The following DNHD1 variants were observed in gnomAD, a reference collection of about 807,000 sequenced individuals.
DNHD1 encodes dynein heavy chain domain 1, also known as dynein heavy chain domain-containing protein 1.
Under a neutral mutation model 458.1 loss-of-function variants are expected in DNHD1, and 383 were observed. The ratio of observed to expected loss-of-function variants is 0.84; its 90% CI spans 0.77 to 0.91. The LOEUF (loss-of-function observed/expected upper bound fraction) is 0.91, where lower values mean the gene tolerates loss of function less well. Ranked by LOEUF, DNHD1 falls within the 40% of genes least tolerant of loss-of-function variation. The pLI is 0.00. For missense variants in DNHD1, 5,336 were observed against 5,866.1 expected (o/e 0.91, Z 2.95); for synonymous variants, 2,203 against 2,376.9 (o/e 0.93, Z 2.13).
intron 33 of DNHD1, 30 bp from the exon 34 acceptor site, chr11:6,566,211 G>A: frequency 6.5e-7 from 1 of 1,548,040 alleles, no homozygotes; most frequent in Non-Finnish European, 8.7e-7. Context: ...CTGGCATTGT[G>A]GGTAGGGTGC....
chr11:6,532,727 G>C (rs770165140), intron 12 of DNHD1, among the ~76,000 whole-genome samples: 5 of 152,098 alleles, frequency 3.3e-5, no homozygotes, highest in Non-Finnish European at 7.3e-5. Context: ...GGCACTCACA[G>C]TGGATTTATC....
Position 6,528,438 on chromosome 11 carries a change from C to CGTGTGTGTGTGT in DNHD1, c.1838-84_1838-83insGTGTGTGTGTGT, listed in dbSNP as rs1565003444. On this transcript the variant is annotated intron_variant, in intron 10 of 42. Transcript: ENST00000254579. ...GTGTGTGTGTGTGTGTGTGTGTGTACACACACTGAGGGCAAGGAGAAAGGA... is the reference window on the plus strand; with the variant it reads ...GTGTGTGTGTGTGTGTGTGTGTGTACGTGTGTGTGTGTACACACTGAGGGCAAGGAGAAAGGA... 14 of 987,280 alleles carry CGTGTGTGTGTGT rather than the reference C, an allele frequency of 1.4e-5. No homozygotes were observed. The African/African-American group carries it at 2.6e-4, about 19-fold the overall frequency. The allele number at this position is 987,280 out of a possible 1,614,324, so 61.2% of individuals were successfully genotyped here.
chr11:6,567,559 T>C lies in DNHD1; in HGVS notation c.12050T>C (p.Leu4017Pro), dbSNP rs779283210. Residue 4017 changes from leucine (L) to proline (P), a missense_variant, in exon 36 of 43, where the codon CTG (leucine) becomes CCG (proline). This residue lies in a region of DNHD1 where 695 missense variants were observed against 804.2 expected (regional missense o/e 0.86). Transcript: ENST00000254579. ...CACTCCAGTGCTTGGCAGGCTTACC[T>C]GTCACTGTCATCCACAGTGCTGGGT... ...AGHSSAWQAY[L>P]SLSSTVLGPA... 3.1e-6 allele frequency: 5 copies of C among 1,613,056 alleles called. No homozygotes were observed. Among genetic ancestry groups the C allele is most frequent in the Non-Finnish European group, 4.2e-6 (5 of 1,179,488 alleles).
At chr11:6,555,949 G>A (rs887904877) in intron 24 of DNHD1, among the ~76,000 whole-genome samples, 1 of 151,946 alleles carries the variant, frequency 6.6e-6, no homozygotes, top group Non-Finnish European at 1.5e-5. Flanking sequence ...TTTGTTGTAT[G>A]TAAATCATGT....
At chr11:6,543,068 A>C (rs1589883630) in intron 18 of DNHD1, among the ~76,000 whole-genome samples, 3 of 152,188 alleles carry the variant, frequency 2.0e-5, no homozygotes, top group South Asian at 4.1e-4. Context: ...GCCTCCTCAC[A>C]TGGGGAAGAG....
intron 10 of DNHD1, chr11:6,520,937 CAT>C: frequency 1.1e-6 from 1 of 926,322 alleles, no homozygotes; most frequent in Non-Finnish European, 1.3e-6. Flanking sequence ...GATTTAAAGA[CAT>C]AACGTTAATT....
intron 7 of DNHD1, among the ~76,000 whole-genome samples, chr11:6,517,158 G>A (rs1589870746): frequency 6.6e-6 from 1 of 152,180 alleles, no homozygotes. Flanking sequence ...AAATAAAATT[G>A]ACAAATAAAA....
intron 16 of DNHD1, 74 bp downstream of exon 16, chr11:6,538,884 C>T: frequency 7.6e-7 from 1 of 1,314,890 alleles, no homozygotes; most frequent in South Asian, 1.6e-5. Context: ...ACTCAGTTTC[C>T]TGCTGCTCCT....
intron 18 of DNHD1, 123 bp downstream of exon 18, chr11:6,540,206 T>A: frequency 1.2e-6 from 1 of 803,276 alleles, no homozygotes; most frequent in Non-Finnish European, 2.0e-6. Context: ...CTAGACAGCC[T>A]AAGACATTAG....
Position 6,528,654 on chromosome 11 carries a change from C to G in DNHD1, c.1970C>G (p.Ala657Gly). ...LVWPWKSHPI[A>G]GILEVRGCRL... ...TGGCCCTGGAAGTCTCACCCAATTG[C>G]TGGTATCTTGGAGGTCCGTGGATGT... The change falls in exon 11 of 43, where the codon GCT becomes GGT. Residue 657 changes from alanine to glycine, a missense_variant. Ala to Gly is a moderately conservative substitution (Grantham distance 60). Transcript: ENST00000254579. The G allele has an allele frequency of 6.4e-7, 1 of 1,551,738 alleles. No homozygotes were observed. Among genetic ancestry groups the G allele is most frequent in the South Asian group, 1.2e-5 (1 of 84,064 alleles).
Position 6,567,130 on chromosome 11 carries a change from T to G in DNHD1, c.11621T>G (p.Phe3874Cys). Residue 3874 changes from phenylalanine (F) to cysteine (C), a missense_variant, in exon 36 of 43, where the codon TTC (phenylalanine) becomes TGC (cysteine). By Grantham distance (205) the Phe-to-Cys change is radical. This residue lies in a region of DNHD1 where 695 missense variants were observed against 804.2 expected (regional missense o/e 0.86). Transcript: ENST00000254579. ...LSQLQNLLPLFCMSPENWLAV... is the reference protein window; with the variant it reads ...LSQLQNLLPLCCMSPENWLAV... ...CAACTGCAGAACCTGCTGCCACTTT[T>G]CTGTATGAGCCCAGAGAACTGGCTG... The G allele has an allele frequency of 6.2e-7, 1 of 1,614,052 alleles. No individual in the cohort carries two copies. Among genetic ancestry groups the G allele is most frequent in the South Asian group, 1.1e-5 (1 of 91,082 alleles).
intron 6 of DNHD1, 107 bp downstream of exon 6, chr11:6,509,379 A>G (rs1008514940): frequency 1.6e-5 from 16 of 994,654 alleles, no homozygotes; most frequent in Middle Eastern, 2.9e-4. Context: ...AAGCACTAAG[A>G]AAAAACCTTT....
chr11:6,569,334 T>G (rs976345345), intron 39 of DNHD1, among the ~76,000 whole-genome samples: 1 of 152,042 alleles, frequency 6.6e-6, no homozygotes, highest in Non-Finnish European at 1.5e-5. Context: ...ATACAAAAAC[T>G]TAGCCAGGCA....
Position 6,556,767 on chromosome 11 carries a change from T to C in DNHD1, c.7472T>C (p.Leu2491Pro). 6.4e-7 allele frequency: 1 copy of C among 1,551,632 alleles called. No individual in the cohort carries two copies. The highest frequency in any genetic ancestry group is 8.7e-7 in the Non-Finnish European group (1 of 1,146,920). The change falls in exon 25 of 43, where the codon CTG becomes CCG. Residue 2491 changes from leucine to proline, a missense_variant. Transcript: ENST00000254579. ...GTGTATGCCCACAGCACCTTGGAACTGCAGACGCTGCAGCCTACAGTCAAC... is the reference window on the plus strand; with the variant it reads ...GTGTATGCCCACAGCACCTTGGAACCGCAGACGCTGCAGCCTACAGTCAAC... ...GTVYAHSTLE[L>P]QTLQPTVNFL...
At chr11:6,528,436 T>TGTGTGG in intron 10 of DNHD1, 86 bp from the exon 11 acceptor site, 1 of 1,160,186 alleles carries the variant, frequency 8.6e-7, no homozygotes, top group Non-Finnish European at 1.2e-6. Flanking sequence ...TGTGTGTGTG[T>TGTGTGG]ACACACACTG....
chr11:6,508,342 T>A (rs1220282507), intron 4 of DNHD1: 1 of 153,438 alleles, frequency 6.5e-6, no homozygotes, highest in East Asian at 1.9e-4. Flanking sequence ...TTTATTTGCC[T>A]GTTTCGAATT....
In DNHD1 at chr11:6,566,339, C is replaced by T. The variant is rs752774962; in HGVS notation, c.11152C>T (p.Pro3718Ser). 6.8e-5 allele frequency: 105 copies of T among 1,554,792 alleles called. No individual in the cohort carries two copies. The highest frequency in any genetic ancestry group is 9.0e-5 in the Non-Finnish European group (103 of 1,148,874). Residue 3718 changes from proline (P) to serine (S), a missense_variant, in exon 34 of 43, where the codon CCT (proline) becomes TCT (serine). Transcript: ENST00000254579. ...GCAGCTGAGTCCACCCCAGGTGCAGCCTGGCTTCTGTCTGTATCTCAGCAC... is the reference window on the plus strand; with the variant it reads ...GCAGCTGAGTCCACCCCAGGTGCAGTCTGGCTTCTGTCTGTATCTCAGCAC... ...REQLSPPQVQ[P>S]GFCLYLSTTL...
chr11:6,528,566 A>G lies in DNHD1; in HGVS notation c.1882A>G (p.Lys628Glu). Reference sequence around the variant, plus strand: ...CTCAAAAGACGAATTTCTGATGCCCAAGTTCCAGGGCCAGCCCAGCGATGC... The same window carrying G: ...CTCAAAAGACGAATTTCTGATGCCCGAGTTCCAGGGCCAGCCCAGCGATGC... ...EDSKDEFLMP[K>E]FQGQPSDAVS... The change falls in exon 11 of 43, where the codon AAG (lysine) becomes GAG (glutamate). Residue 628 changes from lysine to glutamate, a missense_variant. By Grantham distance (56) the Lys-to-Glu change is moderately conservative. Transcript: ENST00000254579. 1 of 1,551,166 alleles carries G rather than the reference A, an allele frequency of 6.4e-7. No homozygotes were observed. Among genetic ancestry groups the G allele is most frequent in the South Asian group, 1.2e-5 (1 of 84,066 alleles).
At chr11:6,541,072 AG>A (rs764624680) in intron 18 of DNHD1, among the ~76,000 whole-genome samples, 1 of 152,210 alleles carries the variant, frequency 6.6e-6, no homozygotes, top group Non-Finnish European at 1.5e-5. Context: ...TATGAAGGGA[AG>A]GGCCTTAGCT....
Sources: gnomAD v4.1 joint callset for allele counts (sites outside exome capture counted in the v4.1 genomes callset) on GRCh38, gnomAD v4.1.1 for gene constraint, gnomAD v4.1.1 regional missense constraint, MANE v1.5 for transcripts, NCBI Gene and HGNC (gene_info 2026-07-23, HGNC 2026-07-21) for gene names.